The following KIAA0753 variants were observed in gnomAD, a reference collection of about 807,000 sequenced individuals.
The protein encoded by KIAA0753 is protein moonraker.
Under a neutral mutation model 116.9 loss-of-function variants are expected in KIAA0753, and 114 were observed. The observed-to-expected ratio is 0.98, with a 90% CI of 0.84 to 1.14. The LOEUF (loss-of-function observed/expected upper bound fraction) is 1.14, where lower values mean the gene tolerates loss of function less well. Among genes scored for constraint, KIAA0753 ranks in the 50% most tolerant of loss-of-function variants. The pLI, the probability that KIAA0753 is intolerant of heterozygous loss-of-function variation, is 0.00. For missense variants in KIAA0753, 1,156 were observed against 1,172.4 expected (o/e 0.99, Z 0.20); for synonymous variants, 405 against 413.1 (o/e 0.98, Z 0.24).
At chr17:6,597,378 T>A (rs920073055) in intron 14 of KIAA0753, among the ~76,000 whole-genome samples, 1 of 152,222 alleles carries the variant, frequency 6.6e-6, no homozygotes, top group African/African-American at 2.4e-5. Flanking sequence ...AATGCTTGCA[T>A]GTGTATATTT....
intron 2 of KIAA0753, among the ~76,000 whole-genome samples, chr17:6,634,024 T>C (rs1453957405): frequency 6.6e-6 from 1 of 151,556 alleles, no homozygotes; most frequent in Non-Finnish European, 1.5e-5. Flanking sequence ...CACATTGCAA[T>C]GTGTACATCT....
chr17:6,585,019 C>A (rs1968463326), intron 18 of KIAA0753, among the ~76,000 whole-genome samples: 1 of 152,094 alleles, frequency 6.6e-6, no homozygotes, highest in South Asian at 2.1e-4. Flanking sequence ...GTATCAAACT[C>A]CTGGGCTCAA....
intron 2 of KIAA0753, among the ~76,000 whole-genome samples, chr17:6,628,957 A>G (rs1218042346): frequency 2.0e-5 from 3 of 152,288 alleles, no homozygotes; most frequent in South Asian, 2.1e-4. Context: ...CCATACTATT[A>G]TCCTTCTGTT....
In KIAA0753 at chr17:6,579,744, C is replaced by G. The variant is rs1307060051; in HGVS notation, c.*3G>C. ...ACACAAATGGCCTCGCCTCAGAGAG[C>G]CTTTATGTAGCAGCCTCTAAGAATT... On this transcript the variant is annotated 3_prime_UTR_variant, in exon 19 of 19. Transcript: ENST00000361413. 6 of 1,598,272 alleles carry G rather than the reference C, an allele frequency of 3.8e-6. No individual in the cohort carries two copies. Among genetic ancestry groups the G allele is most frequent in the East Asian group, 2.2e-5 (1 of 44,806 alleles).
chr17:6,622,965 G>A lies in KIAA0753; in HGVS notation c.1021C>T (p.Arg341Cys), dbSNP rs570307040. Reference sequence around the variant, plus strand: ...TTGACAGAACAAAGTGAAAGCTGGCGAATAAGGCTGCCCAGTTCCTTACAC... The same window carrying A: ...TTGACAGAACAAAGTGAAAGCTGGCAAATAAGGCTGCCCAGTTCCTTACAC... ...ARCKELGSLI[R>C]QLSLCSVKLD... Residue 341 changes from arginine (R) to cysteine (C), a missense_variant, in exon 6 of 19, where the codon CGC becomes TGC. Arg to Cys is a radical substitution (Grantham distance 180). Transcript: ENST00000361413. 4.3e-5 allele frequency: 70 copies of A among 1,614,160 alleles called. No individual in the cohort carries two copies. Among genetic ancestry groups the A allele is most frequent in the Non-Finnish European group, 4.7e-5 (56 of 1,180,016 alleles).
chr17:6,599,744 C>A (rs1215432979), intron 13 of KIAA0753, among the ~76,000 whole-genome samples: 3 of 152,040 alleles, frequency 2.0e-5, no homozygotes, highest in Non-Finnish European at 4.4e-5. Context: ...TTTAACATTT[C>A]TCTAACTAAA....
chr17:6,600,067 C>T (rs1326175809), intron 13 of KIAA0753, among the ~76,000 whole-genome samples: 3 of 152,156 alleles, frequency 2.0e-5, no homozygotes, highest in Admixed American at 6.5e-5. Flanking sequence ...ACACAGCATT[C>T]GAGTGAAAGC....
chr17:6,626,611 A>G (rs560657838), intron 3 of KIAA0753, among the ~76,000 whole-genome samples: 5 of 152,210 alleles, frequency 3.3e-5, no homozygotes, highest in African/African-American at 1.2e-4. Context: ...GGGAAGCACA[A>G]ATGGGCCTTC....
intron 16 of KIAA0753, among the ~76,000 whole-genome samples, chr17:6,591,090 AAGAAGAAGAAG>A (rs1969027453): frequency 6.9e-6 from 1 of 145,506 alleles, no homozygotes. Flanking sequence ...GAAGAAGAAG[AAGAAGAAGAAG>A]AAGAAGAAAA....
intron 3 of KIAA0753, 149 bp downstream of exon 3, chr17:6,627,966 CTG>C (rs766181900): frequency 5.7e-6 from 4 of 695,938 alleles, no homozygotes; most frequent in Non-Finnish European, 9.5e-6. Context: ...CCAAGCCTAA[CTG>C]TCTTGTCCTG....
chr17:6,623,480 G>A (rs750729084), intron 5 of KIAA0753, 29 bp downstream of exon 5: 3 of 1,518,744 alleles, frequency 2.0e-6, no homozygotes, highest in East Asian at 4.5e-5. Flanking sequence ...TTATAAGCAA[G>A]TATTGATCAT....
intron 16 of KIAA0753, among the ~76,000 whole-genome samples, chr17:6,592,817 A>G (rs1478578489): frequency 6.6e-6 from 1 of 152,210 alleles, no homozygotes; most frequent in African/African-American, 2.4e-5. Flanking sequence ...GTTAGACTTT[A>G]TCAAAATTAA....
intron 7 of KIAA0753, among the ~76,000 whole-genome samples, chr17:6,614,666 G>A (rs1447174891): frequency 2.6e-5 from 4 of 152,128 alleles, no homozygotes; most frequent in African/African-American, 4.8e-5. Context: ...AAAGAGAATG[G>A]AATGAGGAGA....
chr17:6,594,287 C>G (rs1233253986), intron 16 of KIAA0753, among the ~76,000 whole-genome samples: 1 of 136,692 alleles, frequency 7.3e-6, no homozygotes, highest in African/African-American at 2.7e-5. Flanking sequence ...ACCCCCCCCC[C>G]CAGAACTATA....
rs1970338377 is a variant in KIAA0753, at chr17:6,608,596, G to A, written c.1713-132C>T. ...ATCTGTAGCACGGGGCCCTACAGTA[G>A]AAGCTGAATGTGAAGAAAAGTGAGA... On this transcript the variant is annotated intron_variant, in intron 9 of 18. Coordinates refer to ENST00000361413, the MANE Select transcript of KIAA0753 (RefSeq NM_014804.3). 3 of 457,282 alleles carry A rather than the reference G, an allele frequency of 6.6e-6. No homozygotes were observed. In the Admixed American group the frequency reaches 9.8e-5, roughly 15 times the overall value. The allele number at this position is 457,282 out of a possible 1,614,324, so 28.3% of individuals were successfully genotyped here.
At chr17:6,590,228 A>C (rs1968894318) in intron 17 of KIAA0753, among the ~76,000 whole-genome samples, 1 of 152,250 alleles carries the variant, frequency 6.6e-6, no homozygotes, top group Admixed American at 6.5e-5. Flanking sequence ...TCTTAAAGCA[A>C]ATCGTGCAGT....
In KIAA0753 at chr17:6,619,687, A is replaced by C. The variant is rs372317836; in HGVS notation, c.1315+1101T>G. Reference sequence around the variant, plus strand: ...AGCAATACACCTGCCTTGGCCTTCCAAAGTTCTGGGTTTACAGGCGTGAGC... The same window carrying C: ...AGCAATACACCTGCCTTGGCCTTCCCAAGTTCTGGGTTTACAGGCGTGAGC... On this transcript the variant is annotated intron_variant, in intron 7 of 18. Transcript: ENST00000361413. 2.6e-4 allele frequency among the ~76,000 whole-genome samples: 39 copies of C among 152,306 alleles called. 1 individual carries two copies. In the South Asian group the frequency reaches 7.7e-3, roughly 30 times the overall value.
intron 18 of KIAA0753, among the ~76,000 whole-genome samples, chr17:6,580,416 A>G (rs993704552): frequency 6.7e-6 from 1 of 149,678 alleles, no homozygotes; most frequent in African/African-American, 2.5e-5. Flanking sequence ...CCGGGTTCAC[A>G]CCATTCTCCT....
rs774852600 is a variant in KIAA0753, at chr17:6,608,409, G to A, written c.1768C>T (p.Gln590Ter). The change falls in exon 10 of 19, where the codon CAG becomes TAG. Residue 590 changes from glutamine (Q) to a stop codon, truncating the protein, a stop_gained. Transcript: ENST00000361413. LOFTEE classifies it high-confidence loss of function. ...CTTTCCTCTTGAGGATCTTCTTGCT[G>A]GAGAGGCTCTTTTGTGGCATCTCTG... ...SPRDATKEPL[Q>*]QEDPQEESHL... 1.3e-6 allele frequency: 2 copies of A among 1,566,868 alleles called. No individual in the cohort carries two copies. The highest frequency in any genetic ancestry group is 1.4e-5 in the African/African-American group (1 of 73,110).
Sources: allele counts gnomAD v4.1 joint callset (sites outside exome capture counted in the v4.1 genomes callset), GRCh38; gene constraint gnomAD v4.1.1; transcripts MANE v1.5; gene names NCBI Gene and HGNC (gene_info 2026-07-23, HGNC 2026-07-21).